PCDHGA5: variants seen among roughly 807,000 people sequenced by gnomAD.
PCDHGA5 encodes protocadherin gamma-A5.
PCDHGA5 carries 36 observed loss-of-function variants against 56.7 expected under a neutral mutation model. The ratio of observed to expected loss-of-function variants is 0.64; its 90% confidence interval spans 0.49 to 0.84. The LOEUF (loss-of-function observed/expected upper bound fraction) is 0.84, where lower values mean the gene tolerates loss of function less well. Among genes scored for constraint, PCDHGA5 ranks in the 40% least tolerant of loss-of-function variants. The pLI, the probability that PCDHGA5 is intolerant of heterozygous loss-of-function variation, is 0.00. For synonymous variants in PCDHGA5, 563 were observed against 520.2 expected (o/e 1.08, Z -1.12); for missense variants, 1,305 against 1,201.5 (o/e 1.09, Z -1.27).
intron 1 of PCDHGA5, chr5:141,492,033 C>A: frequency 1.8e-6 from 1 of 548,342 alleles, no homozygotes; most frequent in Non-Finnish European, 3.1e-6. Flanking sequence ...CGGGAGGAGG[C>A]AGTCACAGAT....
rs17097297 is a variant in PCDHGA5 at position 141,426,366 on chromosome 5, G to C, written c.2421+59615G>C. 737 of 204,832 alleles carry C rather than the reference G, an allele frequency of 3.6e-3. 4 individuals are homozygous for C. The highest frequency in any genetic ancestry group is 0.015 in the African/African-American group (666 of 43,954). 12.7% of individuals were successfully genotyped at this position (204,832 alleles called of 1,614,324 possible). Reference sequence around the variant, plus strand: ...CTTTCCTGCTGCCTTTGTTCTGCGGGGCACCCTCGGAGCAGATCCGCTACT... The same window carrying C: ...CTTTCCTGCTGCCTTTGTTCTGCGGCGCACCCTCGGAGCAGATCCGCTACT... On this transcript the variant is annotated intron_variant, in intron 1 of 3. Transcript: ENST00000518069.
At chr5:141,374,954 AT>A in intron 1 of PCDHGA5, 1 of 1,613,990 alleles carries the variant, frequency 6.2e-7, no homozygotes, top group East Asian at 2.2e-5. Flanking sequence ...GATCTCACAA[AT>A]TTTCTGTTTG....
intron 1 of PCDHGA5, among the ~76,000 whole-genome samples, chr5:141,369,005 A>C (rs944687399): frequency 6.6e-6 from 1 of 152,216 alleles, no homozygotes; most frequent in Non-Finnish European, 1.5e-5. Context: ...TGTGGAACTC[A>C]TTGCTTATTG....
chr5:141,500,051 C>A (rs991931153), intron 2 of PCDHGA5, among the ~76,000 whole-genome samples: 1 of 151,988 alleles, frequency 6.6e-6, no homozygotes, highest in Non-Finnish European at 1.5e-5. Context: ...TATCTTAATG[C>A]TCTTTTAATG....
chr5:141,384,897 C>A, intron 1 of PCDHGA5: 1 of 1,613,922 alleles, frequency 6.2e-7, no homozygotes, highest in Non-Finnish European at 8.5e-7. Flanking sequence ...CTGTGGCTGA[C>A]AGCATCCCCG....
intron 1 of PCDHGA5, chr5:141,395,380 T>C (rs1219736482): frequency 9.0e-7 from 1 of 1,112,054 alleles, no homozygotes; most frequent in African/African-American, 1.6e-5. Context: ...GTGGTGTTAC[T>C]ATAAAATTGA....
chr5:141,476,551 C>G lies in PCDHGA5; in HGVS notation c.2422-18256C>G, dbSNP rs367700651. ...CCCAGGAAATGAAATTGGAGATTAG[C>G]GAGGCCGTGGCTCCGGGGACGCGCT... On this transcript the variant is annotated intron_variant, in intron 1 of 3. Transcript: ENST00000518069. The surrounding 1 kb of genome is among the most constrained non-coding windows in gnomAD (Gnocchi z 7.6). 128 of 1,614,078 alleles carry G rather than the reference C, an allele frequency of 7.9e-5. No homozygotes were observed. Among genetic ancestry groups the G allele is most frequent in the Non-Finnish European group, 1.0e-4 (122 of 1,180,034 alleles).
Position 141,477,209 on chromosome 5 carries a change from G to A in PCDHGA5, c.2422-17598G>A. ...CGTGTACAGCCCAGTACCCGAGGAT[G>A]CCCCTCTGGGGACTGTCATCGCTTT... is the stretch of plus-strand genomic sequence containing the variant. On this transcript the variant is annotated intron_variant, in intron 1 of 3. Coordinates refer to ENST00000518069, the MANE Select transcript of PCDHGA5 (RefSeq NM_018918.3). This position sits in a 1 kb window ranked among gnomAD's most constrained non-coding sequence, Gnocchi z 4.9. The A allele has an allele frequency of 6.2e-7, 1 of 1,614,194 alleles. No homozygotes were observed.
chr5:141,383,787 G>T, intron 1 of PCDHGA5: 1 of 1,613,950 alleles, frequency 6.2e-7, no homozygotes, highest in East Asian at 2.2e-5. Context: ...ATCTGAACTC[G>T]CTTACAGGAG....
chr5:141,501,343 C>T (rs1202291965), intron 2 of PCDHGA5, among the ~76,000 whole-genome samples: 1 of 150,430 alleles, frequency 6.6e-6, no homozygotes, highest in Non-Finnish European at 1.5e-5. Context: ...ACCCCAAACT[C>T]AATAGGGCAA....
rs137901127 is a variant in PCDHGA5 at position 141,436,420 on chromosome 5, A to G, written c.2422-58387A>G. 1.4e-3 allele frequency among the ~76,000 whole-genome samples: 213 copies of G among 152,326 alleles called. 1 individual carries two copies. The highest frequency in any genetic ancestry group is 4.8e-3 in the African/African-American group (199 of 41,594). ...AGTTGTTGAATGAATGGATAAACAA[A>G]TAATGTACTCTGGGGATTACCTGAT... On this transcript the variant is annotated intron_variant, in intron 1 of 3. Coordinates refer to ENST00000518069, the MANE Select transcript of PCDHGA5 (RefSeq NM_018918.3).
In PCDHGA5 at chr5:141,365,874, A is replaced by G. The variant is rs1015574143; in HGVS notation, c.1544A>G (p.Tyr515Cys). 3.1e-6 allele frequency: 5 copies of G among 1,613,932 alleles called. No individual in the cohort carries two copies. Among genetic ancestry groups the G allele is most frequent in the African/African-American group, 2.7e-5 (2 of 74,918 alleles). Residue 515 changes from tyrosine to cysteine, a missense_variant, in exon 1 of 4, where the codon TAT (tyrosine) becomes TGT (cysteine). Coordinates refer to ENST00000518069, the MANE Select transcript of PCDHGA5 (RefSeq NM_018918.3). ...VSINSDTGVL[Y>C]ALRSFDYEQL... ...ATTAACTCTGACACCGGTGTCCTGT[A>G]TGCTCTGAGATCCTTCGACTATGAG...
At chr5:141,417,875 G>C (rs2096176700) in intron 1 of PCDHGA5, 2 of 1,556,360 alleles carry the variant, frequency 1.3e-6, no homozygotes, top group Non-Finnish European at 1.7e-6. Context: ...AGGGAGCTGC[G>C]CGCAGAGGCG....
rs752145084 is a variant in PCDHGA5 at position 141,489,550 on chromosome 5, C to T, written c.2422-5257C>T. On this transcript the variant is annotated intron_variant, in intron 1 of 3. Coordinates refer to ENST00000518069, the MANE Select transcript of PCDHGA5 (RefSeq NM_018918.3). This position sits in a 1 kb window ranked among gnomAD's most constrained non-coding sequence, Gnocchi z 4.5. ...ATGTGGAGCCAGCACCAGCTGCCTGCTGCCAGTGCAGGTGGTGACTGAACA... is the reference window on the plus strand; with the variant it reads ...ATGTGGAGCCAGCACCAGCTGCCTGTTGCCAGTGCAGGTGGTGACTGAACA... The T allele has an allele frequency of 1.2e-6, 2 of 1,614,132 alleles. No homozygotes were observed. The highest frequency in any genetic ancestry group is 1.7e-5 in the Admixed American group (1 of 60,030).
intron 1 of PCDHGA5, chr5:141,433,063 G>T (rs1411651811): frequency 3.1e-6 from 5 of 1,614,176 alleles, no homozygotes; most frequent in Non-Finnish European, 4.2e-6. Flanking sequence ...AGAGTCACCT[G>T]ATCTTCCCCC....
At chr5:141,372,324 G>A (rs559633972) in intron 1 of PCDHGA5, 3 of 1,613,704 alleles carry the variant, frequency 1.9e-6, no homozygotes, top group East Asian at 2.2e-5. Context: ...GCGCCTGCTG[G>A]TCACTGTGCG....
intron 1 of PCDHGA5, chr5:141,475,816 C>A (rs1051857446): frequency 1.5e-5 from 5 of 342,872 alleles, no homozygotes; most frequent in Admixed American, 9.0e-5. Context: ...AGTGAAGTTC[C>A]TGGCGCTAGC....
At chr5:141,371,900 G>T in intron 1 of PCDHGA5, 4 of 1,613,378 alleles carry the variant, frequency 2.5e-6, no homozygotes, top group Middle Eastern at 1.6e-4. Flanking sequence ...GGGAGCTGTC[G>T]TCCTACGTGT....
At chr5:141,370,708 A>G in intron 1 of PCDHGA5, 6 of 1,613,778 alleles carry the variant, frequency 3.7e-6, no homozygotes, top group Non-Finnish European at 5.1e-6. Context: ...TGTGTTCTGG[A>G]ATTTGAAATG....
Sources: allele counts gnomAD v4.1 joint callset (sites outside exome capture counted in the v4.1 genomes callset), GRCh38; gene constraint gnomAD v4.1.1; non-coding constraint Gnocchi (gnomAD v3.1); transcripts MANE v1.5; gene names NCBI Gene and HGNC (gene_info 2026-07-23, HGNC 2026-07-21).